EIF3L: variants seen among roughly 807,000 people sequenced by gnomAD.
EIF3L encodes eukaryotic translation initiation factor 3 subunit L.
Under a neutral mutation model 74.6 loss-of-function variants are expected in EIF3L, and 32 were observed. The ratio of observed to expected loss-of-function variants is 0.43; its 90% CI spans 0.32 to 0.58. The LOEUF (loss-of-function observed/expected upper bound fraction) is 0.58, where lower values mean the gene tolerates loss of function less well. Ranked by LOEUF, EIF3L falls within the 20% of genes least tolerant of loss-of-function variation. The pLI, the probability that EIF3L is intolerant of heterozygous loss-of-function variation, is 0.06. For missense variants in EIF3L, 474 were observed against 707.8 expected (o/e 0.67, Z 3.75); for synonymous variants, 256 against 254.4 (o/e 1.01, Z -0.06).
chr22:37,852,221 A>G (rs1179293641), intron 3 of EIF3L, among the ~76,000 whole-genome samples: 1 of 152,152 alleles, frequency 6.6e-6, no homozygotes, highest in African/African-American at 2.4e-5. Flanking sequence ...ATCAATGTTC[A>G]GTGTGTTGTT....
At chr22:37,864,509 A>G (rs1926037366) in intron 7 of EIF3L, among the ~76,000 whole-genome samples, 2 of 151,616 alleles carry the variant, frequency 1.3e-5, no homozygotes, top group South Asian at 4.2e-4. Flanking sequence ...CTGGGGGTAA[A>G]AGTCCAGGTT....
Position 37,855,602 on chromosome 22 carries a change from C to A in EIF3L, c.331C>A (p.Pro111Thr), listed in dbSNP as rs1925459035. 1 of 1,614,042 alleles carries A rather than the reference C, an allele frequency of 6.2e-7. No individual in the cohort carries two copies. Residue 111 changes from proline (P) to threonine (T), a missense_variant, in exon 4 of 13, where the codon CCT becomes ACT. Physicochemically the swap from Pro to Thr is conservative, Grantham distance 38 (BLOSUM62 -1). This residue lies in a region of EIF3L where 141 missense variants were observed against 197.7 expected (regional missense o/e 0.71). Coordinates refer to ENST00000652021, the MANE Select transcript of EIF3L (RefSeq NM_016091.4). ...GACTGAAAGATTCTTCAAGAATACACCTTGGCCCGAGGCTGAAGCCATTGC... is the reference window on the plus strand; with the variant it reads ...GACTGAAAGATTCTTCAAGAATACAACTTGGCCCGAGGCTGAAGCCATTGC... ...KLTERFFKNT[P>T]WPEAEAIAPQ... is the part of the protein sequence containing the mutation.
At position 37,889,076 on chromosome 22, in the gene EIF3L, G is replaced by A. The variant is rs1283117779; in HGVS notation, c.*612G>A. 1 of 152,238 alleles carries A rather than the reference G, an allele frequency of 6.6e-6. No individual in the cohort carries two copies. Among genetic ancestry groups the A allele is most frequent in the Non-Finnish European group, 1.5e-5 (1 of 68,178 alleles). 9.4% of individuals were successfully genotyped at this position (152,238 alleles called of 1,614,324 possible). On this transcript the variant is annotated 3_prime_UTR_variant, in exon 13 of 13. Coordinates refer to ENST00000652021, the MANE Select transcript of EIF3L (RefSeq NM_016091.4). ...ATCTTTTTGTTTTTTTTTAGACGGA[G>A]TCTCACTCTGTCGCCCAGGTTGGAG...
At chr22:37,855,453 C>A in intron 3 of EIF3L, 112 bp from the exon 4 acceptor site, 1 of 908,606 alleles carries the variant, frequency 1.1e-6, no homozygotes, top group South Asian at 1.5e-5. Context: ...GGCCTCAGCT[C>A]TGTTTATTTG....
At chr22:37,855,333 C>T (rs2145799818) in intron 3 of EIF3L, among the ~76,000 whole-genome samples, 1 of 152,228 alleles carries the variant, frequency 6.6e-6, no homozygotes, top group African/African-American at 2.4e-5. Flanking sequence ...AGGAGATTAT[C>T]CTGAAAAGCT....
intron 9 of EIF3L, 83 bp from the exon 10 acceptor site, chr22:37,875,758 G>C (rs1926712404): frequency 7.1e-7 from 1 of 1,401,472 alleles, no homozygotes; most frequent in African/African-American, 1.4e-5. Flanking sequence ...GGCCTCTGCA[G>C]GGAAAACTCT....
intron 2 of EIF3L, among the ~76,000 whole-genome samples, chr22:37,851,075 G>A (rs997835768): frequency 6.6e-6 from 1 of 152,134 alleles, no homozygotes; most frequent in African/African-American, 2.4e-5. Context: ...CAGATAATAA[G>A]TGAAAAATAA....
At chr22:37,859,960 C>T (rs761400512) in intron 5 of EIF3L, among the ~76,000 whole-genome samples, 1 of 151,926 alleles carries the variant, frequency 6.6e-6, no homozygotes, top group South Asian at 2.1e-4. Flanking sequence ...TGCAGTGAGC[C>T]GAGATCGTAC....
At chr22:37,867,941 C>G (rs1340985249) in intron 7 of EIF3L, among the ~76,000 whole-genome samples, 4 of 131,764 alleles carry the variant, frequency 3.0e-5, no homozygotes, top group African/African-American at 1.2e-4. Context: ...GGAGACAGAG[C>G]GAGACTCCAT....
rs1926852517 is a variant in EIF3L, at chr22:37,878,157, T to G, written c.1561T>G (p.Phe521Val). ...ATTTCAGTCAGCCTCAGAGGTTGAC[T>G]TCTACATTGATAAGGTATGCCTGTC... Reference protein sequence around the residue: ...GEFQSASEVDFYIDKDMIHIA... With the variant: ...GEFQSASEVDVYIDKDMIHIA... Residue 521 changes from phenylalanine (F) to valine (V), a missense_variant, in exon 11 of 13, where the codon TTC becomes GTC. Around this residue, in one of 4 missense-constraint regions of EIF3L, gnomAD observed 293 missense variants for 469.1 expected, o/e 0.62. Transcript: ENST00000652021. 1 of 1,608,630 alleles carries G rather than the reference T, an allele frequency of 6.2e-7. No homozygotes were observed. The highest frequency in any genetic ancestry group is 8.5e-7 in the Non-Finnish European group (1 of 1,176,570).
At chr22:37,881,949 T>A (rs528488797) in intron 11 of EIF3L, 1 of 152,346 alleles carries the variant, frequency 6.6e-6, no homozygotes, top group South Asian at 2.1e-4. Context: ...GGAGAATTGC[T>A]TGAGCCCAGG....
intron 4 of EIF3L, among the ~76,000 whole-genome samples, chr22:37,856,800 C>T (rs1476883224): frequency 1.3e-5 from 2 of 150,468 alleles, no homozygotes; most frequent in East Asian, 2.0e-4. Flanking sequence ...GCCGAGATCG[C>T]GCCATTGCAC....
At chr22:37,868,586 T>C (rs1401343274) in intron 7 of EIF3L, among the ~76,000 whole-genome samples, 1 of 149,540 alleles carries the variant, frequency 6.7e-6, no homozygotes, top group African/African-American at 2.5e-5. Context: ...CCCGAGTAGC[T>C]GGGATTACAG....
intron 7 of EIF3L, among the ~76,000 whole-genome samples, chr22:37,868,237 C>G (rs1481684047): frequency 6.7e-6 from 1 of 149,748 alleles, no homozygotes; most frequent in East Asian, 2.0e-4. Flanking sequence ...GCCTCAGCTT[C>G]CCAAGTATCT....
At chr22:37,872,186 C>G (rs929999488) in intron 8 of EIF3L, among the ~76,000 whole-genome samples, 1 of 151,908 alleles carries the variant, frequency 6.6e-6, no homozygotes, top group African/African-American at 2.4e-5. Context: ...GTCATGATCT[C>G]AGTTCACTGC....
At chr22:37,859,671 C>G (rs977384525) in intron 5 of EIF3L, among the ~76,000 whole-genome samples, 2 of 151,460 alleles carry the variant, frequency 1.3e-5, no homozygotes, top group Non-Finnish European at 2.9e-5. Flanking sequence ...CGTGAGCCAC[C>G]ACGCCCGGCC....
intron 1 of EIF3L, chr22:37,849,759 T>A: frequency 1.6e-6 from 1 of 606,228 alleles, no homozygotes; most frequent in Non-Finnish European, 2.9e-6. Flanking sequence ...TTTTTTGGTC[T>A]AGGCTCCGTC....
At position 37,877,547 on chromosome 22, in the gene EIF3L, C is replaced by G. The variant is rs907002917; in HGVS notation, c.1078-127C>G. On this transcript the variant is annotated intron_variant, in intron 10 of 12. Coordinates refer to ENST00000652021, the MANE Select transcript of EIF3L (RefSeq NM_016091.4). Reference sequence around the variant, plus strand: ...GATTGGAAGAGATGTTGGGGAAGTTCAATGGCTGGTATGAAACAACTGGGT... The same window carrying G: ...GATTGGAAGAGATGTTGGGGAAGTTGAATGGCTGGTATGAAACAACTGGGT... 4.3e-6 allele frequency: 5 copies of G among 1,175,316 alleles called. No homozygotes were observed. The African/African-American group carries it at 7.7e-5, about 18-fold the overall frequency. The allele number at this position is 1,175,316 out of a possible 1,614,324, so 72.8% of individuals were successfully genotyped here.
rs186041333 is a variant in EIF3L at position 37,867,782 on chromosome 22, G to A, written c.580-2394G>A. ...ATCCTGGCTAACACGGTGAAACCCC[G>A]TCTCTACTAAAAATACAAAAAAATT... On this transcript the variant is annotated intron_variant, in intron 7 of 12. Coordinates refer to ENST00000652021, the MANE Select transcript of EIF3L (RefSeq NM_016091.4). Among the ~76,000 whole-genome samples, 935 of 151,288 alleles carry A rather than the reference G, an allele frequency of 6.2e-3. 6 individuals carry two copies. The highest frequency in any genetic ancestry group is 0.022 in the African/African-American group (902 of 41,206).
Sources: gnomAD v4.1 joint callset for allele counts (sites outside exome capture counted in the v4.1 genomes callset) on GRCh38, gnomAD v4.1.1 for gene constraint, gnomAD v4.1.1 regional missense constraint, MANE v1.5 for transcripts, NCBI Gene and HGNC (gene_info 2026-07-23, HGNC 2026-07-21) for gene names.